Variants in SETBP1 observed in about 807,000 individuals in gnomAD.
SETBP1 encodes SET-binding protein.
In SETBP1, 9 loss-of-function variants were observed where a neutral mutation model predicts 101.0. The observed-to-expected ratio is 0.09, with a 90% CI of 0.05 to 0.16. The LOEUF is 0.16. Ranked by LOEUF, SETBP1 falls within the 10% of genes least tolerant of loss-of-function variation. SETBP1 has a pLI of 1.00. For synonymous variants in SETBP1, 818 were observed against 788.5 expected, an observed-to-expected ratio of 1.04 and a Z score of -0.63; for missense variants, 1,858 against 2,033.8, an observed-to-expected ratio of 0.91 and a Z score of 1.66.
intron 2 of SETBP1, among the ~76,000 whole-genome samples, chr18:44,821,689 G>A (rs1338244098): frequency 6.6e-6 from 1 of 152,132 alleles, no homozygotes; most frequent in Non-Finnish European, 1.5e-5. Context: ...TGCTTGTATT[G>A]TAGTTGAATG....
chr18:44,680,236 C>G (rs1489506998), upstream of SETBP1: 1 of 146,414 alleles, frequency 6.8e-6, no homozygotes, highest in Non-Finnish European at 1.5e-5. Flanking sequence ...GGGGCCCCGG[C>G]GCCCCCCGAG....
intron 1 of SETBP1, among the ~76,000 whole-genome samples, chr18:44,684,939 G>T (rs900170139): frequency 3.3e-5 from 5 of 152,090 alleles, no homozygotes; most frequent in Admixed American, 1.3e-4. Context: ...GGGCCACCGC[G>T]CCCGACCGAG....
At chr18:44,987,887 C>CATATATAGATACAGCT (rs1328695499) in intron 4 of SETBP1, 6 of 152,156 alleles carry the variant, frequency 3.9e-5, no homozygotes, top group Admixed American at 2.0e-4. Flanking sequence ...GATAGACAGA[C>CATATATAGATACAGCT]ATATATAGAT....
chr18:44,795,132 AG>A (rs1599138253), intron 2 of SETBP1, among the ~76,000 whole-genome samples: 1 of 152,328 alleles, frequency 6.6e-6, no homozygotes, highest in East Asian at 1.9e-4. Flanking sequence ...ATTGTGAATA[AG>A]GTCACTGCTT....
chr18:44,956,911 A>C (rs1015148968), intron 4 of SETBP1, among the ~76,000 whole-genome samples: 3 of 152,216 alleles, frequency 2.0e-5, no homozygotes, highest in Non-Finnish European at 4.4e-5. Context: ...GCTAGGATGC[A>C]GTACAGACTT....
intron 2 of SETBP1, among the ~76,000 whole-genome samples, chr18:44,825,088 C>A (rs1472408368): frequency 6.6e-6 from 1 of 152,222 alleles, no homozygotes; most frequent in East Asian, 1.9e-4. Context: ...TCTGCTCTAT[C>A]CCCACCTGGG....
chr18:45,018,476 C>T (rs182434657), intron 4 of SETBP1, among the ~76,000 whole-genome samples: 6 of 152,270 alleles, frequency 3.9e-5, no homozygotes, highest in African/African-American at 1.2e-4. Context: ...GCTGGGTGGA[C>T]GCTCTTGGAA....
chr18:44,724,871 G>A (rs1177181344), intron 2 of SETBP1, among the ~76,000 whole-genome samples: 1 of 152,182 alleles, frequency 6.6e-6, no homozygotes, highest in African/African-American at 2.4e-5. Flanking sequence ...ACTACATAAT[G>A]AGTGGGGGTG....
In SETBP1 at chr18:44,953,329, C is replaced by T; in HGVS notation, c.3989C>T (p.Ser1330Phe). ...NRKERSSYDS[S>F]MSPGMPSPHL... ...AAGGAGAGAAGTTCTTATGACTCCT[C>T]CATGTCTCCAGGTAAGGCTGTTTTT... Residue 1330 changes from serine (S) to phenylalanine (F), a missense_variant, in exon 4 of 6, where the codon TCC becomes TTC. Coordinates refer to ENST00000649279, the MANE Select transcript of SETBP1 (RefSeq NM_015559.3). 1 of 1,613,500 alleles carries T rather than the reference C, an allele frequency of 6.2e-7. No homozygotes were observed. The highest frequency in any genetic ancestry group is 1.1e-5 in the South Asian group (1 of 91,066).
intron 2 of SETBP1, among the ~76,000 whole-genome samples, chr18:44,717,488 C>T (rs1020539254): frequency 2.6e-5 from 4 of 152,214 alleles, no homozygotes; most frequent in African/African-American, 4.8e-5. Flanking sequence ...TCTGACTTTG[C>T]AGACACAGGG....
chr18:44,771,270 T>C (rs891393474), intron 2 of SETBP1, among the ~76,000 whole-genome samples: 2 of 147,832 alleles, frequency 1.4e-5, no homozygotes, highest in African/African-American at 2.5e-5. Context: ...CTGGGACTTC[T>C]GCAATTAAGT....
intron 4 of SETBP1, among the ~76,000 whole-genome samples, chr18:45,011,067 A>C (rs2072828111): frequency 6.6e-6 from 1 of 152,220 alleles, no homozygotes; most frequent in South Asian, 2.1e-4. Context: ...AGAAATACGC[A>C]GCACAGTTCT....
At chr18:44,701,976 C>T (rs1026042922) in intron 2 of SETBP1, 144 bp downstream of exon 2, 11 of 932,568 alleles carry the variant, frequency 1.2e-5, no homozygotes, top group Non-Finnish European at 1.6e-5. Context: ...ACAGTTAAAT[C>T]TGTGTGTAAC....
intron 4 of SETBP1, among the ~76,000 whole-genome samples, chr18:45,029,635 C>T (rs751361773): frequency 1.9e-3 from 286 of 152,192 alleles, no homozygotes; most frequent in Non-Finnish European, 3.1e-3. Flanking sequence ...TGATTCTTCC[C>T]ACCCATGAGC....
intron 2 of SETBP1, among the ~76,000 whole-genome samples, chr18:44,721,612 G>A (rs1022286229): frequency 6.1e-5 from 8 of 131,256 alleles, no homozygotes; most frequent in Admixed American, 4.1e-4. Context: ...GGGAAATGGT[G>A]TAGGTGGGTC....
At chr18:44,810,948 T>C (rs1175811107) in intron 2 of SETBP1, among the ~76,000 whole-genome samples, 4 of 152,192 alleles carry the variant, frequency 2.6e-5, no homozygotes, top group Admixed American at 2.0e-4. Context: ...ACCATGTAAA[T>C]TTCAAAAGAT....
chr18:44,907,959 T>C (rs1279530432), intron 3 of SETBP1, among the ~76,000 whole-genome samples: 2 of 152,248 alleles, frequency 1.3e-5, no homozygotes, highest in Non-Finnish European at 2.9e-5. Flanking sequence ...AATTGATAGC[T>C]TTAGCTCTTG....
intron 2 of SETBP1, among the ~76,000 whole-genome samples, chr18:44,852,251 A>G (rs994465277): frequency 5.3e-5 from 8 of 152,204 alleles, no homozygotes. Flanking sequence ...TCAGAGACAC[A>G]GAGGAAACTA....
chr18:44,991,217 T>A (rs1204632822), intron 4 of SETBP1, among the ~76,000 whole-genome samples: 1 of 124,114 alleles, frequency 8.1e-6, no homozygotes, highest in Non-Finnish European at 1.6e-5. Flanking sequence ...CACTCCAGCC[T>A]GAGTGACAGA....
Sources: allele counts gnomAD v4.1 joint callset (sites outside exome capture counted in the v4.1 genomes callset), GRCh38; gene constraint gnomAD v4.1.1; transcripts MANE v1.5; gene names NCBI Gene and HGNC (gene_info 2026-07-23, HGNC 2026-07-21).